The following RAB20 variants were observed in gnomAD, a reference collection of about 807,000 sequenced individuals.
RAB20 encodes ras-related protein Rab-20.
RAB20 carries 2 observed loss-of-function variants against 3.7 expected under a neutral mutation model. That is an observed-to-expected ratio of 0.54 (90% confidence interval 0.22 to 1.69). The LOEUF is 1.69. Ranked by LOEUF, RAB20 falls within the 40% of genes most tolerant of loss-of-function variation. RAB20 has a pLI of 0.19. For missense variants in RAB20, 276 were observed against 311.9 expected (o/e 0.88, Z 0.87); for synonymous variants, 126 against 130.8 (o/e 0.96, Z 0.25).
At chr13:110,554,028 T>C (rs1195698590) in intron 1 of RAB20, among the ~76,000 whole-genome samples, 2 of 152,118 alleles carry the variant, frequency 1.3e-5, no homozygotes, top group African/African-American at 2.4e-5. Flanking sequence ...GGTGGGAGGA[T>C]TGCTTGAGCC....
chr13:110,558,690 A>G (rs1354565310), intron 1 of RAB20, among the ~76,000 whole-genome samples: 1 of 117,920 alleles, frequency 8.5e-6, no homozygotes, highest in African/African-American at 3.3e-5. Flanking sequence ...CTGTCTTCCC[A>G]TCTGTTTTTT....
chr13:110,535,368 A>G (rs1056256289), intron 1 of RAB20, among the ~76,000 whole-genome samples: 7 of 152,240 alleles, frequency 4.6e-5, no homozygotes, highest in Non-Finnish European at 1.0e-4. Context: ...ACCACAGCAG[A>G]CACTCACGGG....
At chr13:110,534,182 G>T (rs1266292131) in intron 1 of RAB20, among the ~76,000 whole-genome samples, 1 of 152,216 alleles carries the variant, frequency 6.6e-6, no homozygotes, top group East Asian at 1.9e-4. Context: ...ATCAGCTGAT[G>T]GCCTGAGAAG....
intron 1 of RAB20, among the ~76,000 whole-genome samples, chr13:110,546,023 C>G (rs1320327658): frequency 1.3e-5 from 2 of 152,088 alleles, no homozygotes. Flanking sequence ...AATGTCCAAC[C>G]AGAGCCATTC....
At chr13:110,558,939 A>G (rs1220957586) in intron 1 of RAB20, among the ~76,000 whole-genome samples, 4 of 143,130 alleles carry the variant, frequency 2.8e-5, no homozygotes, top group African/African-American at 1.0e-4. Context: ...CTCGTGATCC[A>G]CCCACCTCAG....
intron 1 of RAB20, among the ~76,000 whole-genome samples, chr13:110,550,390 G>A (rs1884933077): frequency 6.6e-6 from 1 of 152,206 alleles, no homozygotes; most frequent in South Asian, 2.1e-4. Context: ...GGGGTCGTGG[G>A]AACCCCCACC....
At chr13:110,537,659 G>T (rs1247492633) in intron 1 of RAB20, among the ~76,000 whole-genome samples, 1 of 151,762 alleles carries the variant, frequency 6.6e-6, no homozygotes, top group Non-Finnish European at 1.5e-5. Context: ...GCTGACTTGG[G>T]ATGTATGACA....
intron 1 of RAB20, among the ~76,000 whole-genome samples, chr13:110,554,376 C>A (rs1270882152): frequency 6.6e-6 from 1 of 152,148 alleles, no homozygotes; most frequent in African/African-American, 2.4e-5. Context: ...CCGTTAGGAG[C>A]AGCTGTCATG....
intron 1 of RAB20, among the ~76,000 whole-genome samples, chr13:110,537,983 A>G (rs1480697592): frequency 6.6e-6 from 1 of 152,168 alleles, no homozygotes; most frequent in Non-Finnish European, 1.5e-5. Context: ...GGAAAAAAAG[A>G]GTTAGAAAAA....
In RAB20 at chr13:110,523,602, A is replaced by G. The variant is rs140141834; in HGVS notation, c.*63T>C. ...TGCTGTTCCTTGCTCCTTTCAGATC[A>G]CAGCTTGCCTGGTCAGACCCCTTCC... is the stretch of plus-strand genomic sequence containing the variant. On this transcript the variant is annotated 3_prime_UTR_variant, in exon 2 of 2. Coordinates refer to ENST00000267328, the MANE Select transcript of RAB20 (RefSeq NM_017817.3). 34 of 1,561,078 alleles carry G rather than the reference A, an allele frequency of 2.2e-5. No individual in the cohort carries two copies. The East Asian group carries it at 7.2e-4, about 33-fold the overall frequency.
At chr13:110,539,708 C>T (rs554823894) in intron 1 of RAB20, among the ~76,000 whole-genome samples, 6 of 151,992 alleles carry the variant, frequency 3.9e-5, no homozygotes, top group Admixed American at 6.6e-5. Flanking sequence ...TACAGGCACC[C>T]GCCACCACGC....
rs569532868 is a variant in RAB20 at position 110,561,098 on chromosome 13, A to C, written c.172+250T>G. ...GAGCAGGAACGCGGGGCTCGGGAGC[A>C]AAGGCAGCTTAGGTACACAAATGAC... On this transcript the variant is annotated intron_variant, in intron 1 of 1. Coordinates refer to ENST00000267328, the MANE Select transcript of RAB20 (RefSeq NM_017817.3). Among the ~76,000 whole-genome samples, 48 of 152,270 alleles carry C rather than the reference A, an allele frequency of 3.2e-4. No homozygotes were observed. The South Asian group carries it at 1.0e-2, about 32-fold the overall frequency.
chr13:110,561,552 C>T lies in RAB20; in HGVS notation c.-33G>A. ...TAAGAACCCCCAGCGCCCCCGCGCC[C>T]TCTCCCCGAGGCTGGCCGGCTCGTG... On this transcript the variant is annotated 5_prime_UTR_variant, in exon 1 of 2. Coordinates refer to ENST00000267328, the MANE Select transcript of RAB20 (RefSeq NM_017817.3). 6.5e-7 allele frequency: 1 copy of T among 1,534,542 alleles called. No individual in the cohort carries two copies. The highest frequency in any genetic ancestry group is 1.8e-4 in the Middle Eastern group (1 of 5,714).
chr13:110,559,981 G>A (rs1177166256), intron 1 of RAB20, among the ~76,000 whole-genome samples: 1 of 152,174 alleles, frequency 6.6e-6, no homozygotes, highest in Non-Finnish European at 1.5e-5. Flanking sequence ...TAAACCAAGG[G>A]CAGCAGTAAA....
rs4773212 is a variant in RAB20, at chr13:110,531,045, T to A, written c.173-6848A>T. Among the ~76,000 whole-genome samples, 7 of 152,244 alleles carry A rather than the reference T, an allele frequency of 4.6e-5. No homozygotes were observed. In the East Asian group the frequency reaches 1.4e-3, roughly 29 times the overall value. On this transcript the variant is annotated intron_variant, in intron 1 of 1. Transcript: ENST00000267328. ...CAAGGATAGGAAGCGCTGCATTAGC[T>A]ATGGGAAGAAGCATGGCCAGCACAG...
chr13:110,536,576 G>A (rs1172021759), intron 1 of RAB20, among the ~76,000 whole-genome samples: 3 of 152,062 alleles, frequency 2.0e-5, no homozygotes, highest in African/African-American at 4.8e-5. Context: ...AGGATGGGCC[G>A]GAGAACACTG....
chr13:110,543,291 G>A (rs1193510461), intron 1 of RAB20, among the ~76,000 whole-genome samples: 1 of 151,962 alleles, frequency 6.6e-6, no homozygotes, highest in Non-Finnish European at 1.5e-5. Flanking sequence ...ACCTCCCCTG[G>A]CTAATTTTTC....
chr13:110,534,025 T>C (rs1884596898), intron 1 of RAB20, among the ~76,000 whole-genome samples: 1 of 152,138 alleles, frequency 6.6e-6, no homozygotes, highest in East Asian at 1.9e-4. Flanking sequence ...GATGGGGAAC[T>C]GTATCTGGTC....
intron 1 of RAB20, among the ~76,000 whole-genome samples, chr13:110,549,043 C>G (rs34667541): frequency 0.013 from 1,959 of 152,312 alleles, 22 homozygotes; most frequent in Middle Eastern, 0.024. Context: ...TAGGACACTA[C>G]CCTGACTTCC....
Sources: allele counts gnomAD v4.1 joint callset (sites outside exome capture counted in the v4.1 genomes callset), GRCh38; gene constraint gnomAD v4.1.1; transcripts MANE v1.5; gene names NCBI Gene and HGNC (gene_info 2026-07-23, HGNC 2026-07-21).